Variants in SYT1 observed in about 807,000 individuals in gnomAD.
SYT1 encodes the protein synaptotagmin-1.
Under a neutral mutation model 44.8 loss-of-function variants are expected in SYT1, and 8 were observed. The ratio of observed to expected loss-of-function variants is 0.18; its 90% CI spans 0.10 to 0.32. The LOEUF (loss-of-function observed/expected upper bound fraction) is 0.32, where lower values mean the gene tolerates loss of function less well. Among genes scored for constraint, SYT1 ranks in the 10% least tolerant of loss-of-function variants. The pLI is 1.00. For synonymous variants in SYT1, 154 were observed against 188.8 expected (o/e 0.82, Z 1.51); for missense variants, 286 against 509.3 (o/e 0.56, Z 4.22).
At chr12:79,362,632 G>A (rs190028250) in intron 9 of SYT1, among the ~76,000 whole-genome samples, 101 of 151,976 alleles carry the variant, frequency 6.6e-4, no homozygotes, top group African/African-American at 2.4e-3. Context: ...CCGTGTGTGA[G>A]GACAGGCTAG....
chr12:79,343,323 AG>A (rs1266690132), intron 8 of SYT1, among the ~76,000 whole-genome samples: 1 of 152,226 alleles, frequency 6.6e-6, no homozygotes, highest in African/African-American at 2.4e-5. Context: ...TGGCACATGT[AG>A]AAAAGAGGAT....
intron 3 of SYT1, among the ~76,000 whole-genome samples, chr12:79,169,243 A>T (rs146207672): frequency 2.0e-5 from 3 of 152,166 alleles, no homozygotes; most frequent in African/African-American, 7.2e-5. Flanking sequence ...ACAGAAGAAT[A>T]GTTAGCAAAG....
chr12:79,405,488 T>G (rs1056077661), intron 9 of SYT1, among the ~76,000 whole-genome samples: 7 of 152,142 alleles, frequency 4.6e-5, no homozygotes, highest in Non-Finnish European at 1.0e-4. Context: ...TAAACAAACA[T>G]TTTATGACTC....
intron 4 of SYT1, among the ~76,000 whole-genome samples, chr12:79,267,585 A>C (rs1347935879): frequency 6.6e-6 from 1 of 152,260 alleles, no homozygotes; most frequent in Admixed American, 6.5e-5. Flanking sequence ...CAAGAAAGAC[A>C]TACTGAAAAT....
rs1014686470 is a variant in SYT1 at position 79,275,536 on chromosome 12, T to TA, written c.167-10245dup. Among the ~76,000 whole-genome samples, 74 of 152,134 alleles carry TA rather than the reference T, an allele frequency of 4.9e-4. 1 individual carries two copies. Among genetic ancestry groups the TA allele is most frequent in the Admixed American group, 2.7e-3 (42 of 15,280 alleles). The stretch of plus-strand genomic sequence containing the variant: ...CCGAGGTGCCTATCTGATCTGAATA[T>TA]AAAAAATCCTGGGATGGGGGCATGA... On this transcript the variant is annotated intron_variant, in intron 4 of 10. Coordinates refer to ENST00000261205, the MANE Select transcript of SYT1 (RefSeq NM_005639.3).
intron 3 of SYT1, among the ~76,000 whole-genome samples, chr12:79,184,404 G>A (rs1437217804): frequency 6.6e-6 from 1 of 151,870 alleles, no homozygotes; most frequent in Non-Finnish European, 1.5e-5. Context: ...CCTTTCAAGG[G>A]CTCAATTTGG....
At chr12:79,438,804 C>A (rs7315113) in intron 9 of SYT1, among the ~76,000 whole-genome samples, 17,354 of 152,156 alleles carry the variant, frequency 0.11, 1,022 homozygotes, top group Middle Eastern at 0.13. Context: ...AGCTGAGGAA[C>A]AATTTGATTT....
At position 79,245,863 on chromosome 12, in the gene SYT1, A is replaced by T. The variant is rs191767172; in HGVS notation, c.166+28178A>T. Among the ~76,000 whole-genome samples the T allele has an allele frequency of 6.4e-3, 978 of 152,204 alleles. 6 individuals are homozygous for T. The highest frequency in any genetic ancestry group is 0.011 in the Non-Finnish European group (723 of 68,004). ...ATTTCATGAAAAGTAAAAAGAATAT[A>T]TAACAGTAGACTAACACTTTTTTTT... is the stretch of plus-strand genomic sequence containing the variant. On this transcript the variant is annotated intron_variant, in intron 4 of 10. Transcript: ENST00000261205.
chr12:79,128,966 A>G (rs1868624270), intron 3 of SYT1, among the ~76,000 whole-genome samples: 2 of 152,168 alleles, frequency 1.3e-5, no homozygotes, highest in Non-Finnish European at 2.9e-5. Flanking sequence ...AAAAGTGTAG[A>G]TATAAGACAA....
In SYT1 at chr12:79,318,259, A is replaced by C. The variant is rs180904284; in HGVS notation, c.810+18708A>C. ...AGTTGTGCCTCCGGAGGGCCTGTTT[A>C]ATAGTCACCGGGTGACCCGTACTCT... is the stretch of plus-strand genomic sequence containing the variant. On this transcript the variant is annotated intron_variant, in intron 8 of 10. Coordinates refer to ENST00000261205, the MANE Select transcript of SYT1 (RefSeq NM_005639.3). Among the ~76,000 whole-genome samples, 452 of 152,314 alleles carry C rather than the reference A, an allele frequency of 3.0e-3. 3 individuals carry two copies. Among genetic ancestry groups the C allele is most frequent in the African/African-American group, 0.01 (422 of 41,572 alleles).
At chr12:79,162,813 TG>T (rs1871029995) in intron 3 of SYT1, among the ~76,000 whole-genome samples, 1 of 152,124 alleles carries the variant, frequency 6.6e-6, no homozygotes, top group Non-Finnish European at 1.5e-5. Context: ...TTTTTTATGG[TG>T]TAGATAGAGT....
intron 3 of SYT1, among the ~76,000 whole-genome samples, chr12:79,171,207 A>T (rs1027281863): frequency 6.6e-6 from 1 of 152,016 alleles, no homozygotes; most frequent in Non-Finnish European, 1.5e-5. Flanking sequence ...ATTTTAAAAT[A>T]GTTTTCTCTA....
intron 1 of SYT1, among the ~76,000 whole-genome samples, chr12:78,905,653 GTTGT>G (rs1875936894): frequency 6.6e-6 from 1 of 151,768 alleles, no homozygotes; most frequent in African/African-American, 2.4e-5. Context: ...TTTTCTTACT[GTTGT>G]TTATTTTCAT....
chr12:79,339,040 T>A (rs542404532), intron 8 of SYT1, among the ~76,000 whole-genome samples: 1 of 152,342 alleles, frequency 6.6e-6, no homozygotes, highest in Non-Finnish European at 1.5e-5. Flanking sequence ...GGTGTATATG[T>A]GCCGCATTTT....
chr12:79,151,636 G>A (rs1039930556), intron 3 of SYT1, among the ~76,000 whole-genome samples: 3 of 152,108 alleles, frequency 2.0e-5, no homozygotes, highest in East Asian at 1.9e-4. Context: ...TATTGCAGTC[G>A]AGTTGATGAG....
At chr12:79,140,295 A>G (rs1283549374) in intron 3 of SYT1, among the ~76,000 whole-genome samples, 1 of 152,188 alleles carries the variant, frequency 6.6e-6, no homozygotes, top group African/African-American at 2.4e-5. Context: ...CAAGAATCCC[A>G]TATCCTCTTC....
intron 3 of SYT1, among the ~76,000 whole-genome samples, chr12:79,059,327 G>T (rs1039094627): frequency 1.3e-5 from 2 of 152,008 alleles, no homozygotes; most frequent in Non-Finnish European, 2.9e-5. Context: ...ATAAGCTAGA[G>T]ATAACTGCTT....
intron 3 of SYT1, among the ~76,000 whole-genome samples, chr12:79,098,633 G>T (rs1878282085): frequency 6.6e-6 from 1 of 152,106 alleles, no homozygotes; most frequent in Non-Finnish European, 1.5e-5. Context: ...TTAATGTTCT[G>T]GTTAGTGGTG....
chr12:79,339,291 GTAA>G (rs1882247216), intron 8 of SYT1, among the ~76,000 whole-genome samples: 1 of 152,186 alleles, frequency 6.6e-6, no homozygotes. Context: ...CACCAACAGT[GTAA>G]AAGTGTTCCT....
Sources: allele counts gnomAD v4.1 joint callset (sites outside exome capture counted in the v4.1 genomes callset), GRCh38; gene constraint gnomAD v4.1.1; transcripts MANE v1.5; gene names NCBI Gene and HGNC (gene_info 2026-07-23, HGNC 2026-07-21).